KLRG1: variants seen among roughly 807,000 people sequenced by gnomAD.
The protein encoded by KLRG1 is killer cell lectin-like receptor subfamily G member 1.
KLRG1 carries 16 observed loss-of-function variants against 21.8 expected under a neutral mutation model. The observed-to-expected ratio is 0.73, with a 90% CI of 0.50 to 1.11. The LOEUF (loss-of-function observed/expected upper bound fraction) is 1.11, where lower values mean the gene tolerates loss of function less well. Ranked by LOEUF, KLRG1 falls within the 50% of genes most tolerant of loss-of-function variation. The pLI is 0.00. For missense variants in KLRG1, 173 were observed against 218.3 expected (o/e 0.79, Z 1.31); for synonymous variants, 69 against 75.9 (o/e 0.91, Z 0.47).
chr12:8,978,684 CTTTCTT>C (rs1408393903), intron 1 of KLRG1, among the ~76,000 whole-genome samples: 5 of 127,238 alleles, frequency 3.9e-5, no homozygotes, highest in African/African-American at 1.5e-4. Context: ...TTCTTTCTTT[CTTTCTT>C]TTTCTTTCTT....
At chr12:9,164,134 C>T in the KLRG1 span, 2 of 1,610,944 alleles carry the variant, frequency 1.2e-6, no homozygotes, top group Non-Finnish European at 1.7e-6. Flanking sequence ...GTCACTCACC[C>T]AGAGTTTTAG....
chr12:9,049,195 A>G, the KLRG1 span, among the ~76,000 whole-genome samples: 1 of 152,162 alleles, frequency 6.6e-6, no homozygotes, highest in Non-Finnish European at 1.5e-5. Flanking sequence ...GTCTGCATGG[A>G]GCACTTGGAA....
chr12:9,154,774 G>T, the KLRG1 span: 1 of 1,614,154 alleles, frequency 6.2e-7, no homozygotes, highest in Non-Finnish European at 8.5e-7. Flanking sequence ...GAGGGAGCCT[G>T]GGTTTGGTAA....
At chr12:9,033,034 C>T in the KLRG1 span, among the ~76,000 whole-genome samples, 1 of 152,172 alleles carries the variant, frequency 6.6e-6, no homozygotes, top group Non-Finnish European at 1.5e-5. Context: ...TTCTTTACTG[C>T]TATGCCGTAG....
chr12:9,168,972 C>T, the KLRG1 span: 5 of 1,609,830 alleles, frequency 3.1e-6, no homozygotes, highest in Non-Finnish European at 4.3e-6. Flanking sequence ...TCAATCCCAT[C>T]CCCTGGAAAA....
At chr12:9,043,065 A>G in the KLRG1 span, among the ~76,000 whole-genome samples, 1 of 146,640 alleles carries the variant, frequency 6.8e-6, no homozygotes, top group South Asian at 2.1e-4. Flanking sequence ...GTTTGTGTGC[A>G]TGGCAGATAT....
At chr12:9,089,602 G>A in the KLRG1 span, among the ~76,000 whole-genome samples, 1 of 152,104 alleles carries the variant, frequency 6.6e-6, no homozygotes, top group African/African-American at 2.4e-5. Context: ...CTAGCTGGGC[G>A]TGGTGGTGCA....
chr12:9,067,478 G>T, the KLRG1 span: 2 of 324,208 alleles, frequency 6.2e-6, no homozygotes. Flanking sequence ...TTTTTCATAG[G>T]GTATTCCCAT....
rs1280386663 is a variant in KLRG1 at position 8,992,204 on chromosome 12, A to T, written c.83-2A>T. ...GATTGTGCTTTGACTCTGTTGTTGC[A>T]GCTTCCTCTTCCAGGCCTTCTTGTT... On this transcript the variant is annotated splice_acceptor_variant, in intron 1 of 4. Coordinates refer to ENST00000356986, the MANE Select transcript of KLRG1 (RefSeq NM_005810.4). LOFTEE classifies it high-confidence loss of function. 10 of 1,603,602 alleles carry T rather than the reference A, an allele frequency of 6.2e-6. No individual in the cohort carries two copies. Among genetic ancestry groups the T allele is most frequent in the South Asian group, 1.1e-5 (1 of 89,534 alleles).
the KLRG1 span, among the ~76,000 whole-genome samples, chr12:9,175,182 A>G: frequency 6.6e-6 from 1 of 152,234 alleles, no homozygotes; most frequent in Non-Finnish European, 1.5e-5. Flanking sequence ...CTGATCTTTG[A>G]CAAACTTGAC....
At chr12:9,101,524 T>C in the KLRG1 span, 1 of 1,613,862 alleles carries the variant, frequency 6.2e-7, no homozygotes, top group East Asian at 2.2e-5. Flanking sequence ...ACTGTCTGAG[T>C]ATGGCCACAG....
Position 9,009,012 on chromosome 12 carries a change from G to A in KLRG1, c.395G>A (p.Trp132Ter). The A allele has an allele frequency of 1.2e-6, 2 of 1,613,870 alleles. No individual in the cohort carries two copies. Among genetic ancestry groups the A allele is most frequent in the Non-Finnish European group, 1.7e-6 (2 of 1,179,914 alleles). ...GTTTTCCTCAGTGAGGCCTTTTGCT[G>A]GATTGGTCTGAGGAACAATTCTGGC... ...LQVFLSEAFC[W>*]IGLRNNSGWR... The change falls in exon 4 of 5, where the codon TGG becomes TAG. Residue 132 changes from tryptophan to a stop codon, truncating the protein, a stop_gained. Coordinates refer to ENST00000356986, the MANE Select transcript of KLRG1 (RefSeq NM_005810.4). LOFTEE classifies it high-confidence loss of function.
chr12:9,170,363 C>T, the KLRG1 span, among the ~76,000 whole-genome samples: 1 of 152,160 alleles, frequency 6.6e-6, no homozygotes, highest in Admixed American at 6.5e-5. The surrounding 1 kb of genome is among the most constrained non-coding windows in gnomAD (Gnocchi z 4.6). Context: ...CTTGGCAGAG[C>T]AGCTGCTCAG....
the KLRG1 span, among the ~76,000 whole-genome samples, chr12:9,071,111 C>T: frequency 7.9e-5 from 12 of 151,820 alleles, no homozygotes; most frequent in South Asian, 1.0e-3. Context: ...TGAGCCACCA[C>T]GCCCGGCTGA....
At chr12:9,209,491 A>G in the KLRG1 span, among the ~76,000 whole-genome samples, 1 of 152,042 alleles carries the variant, frequency 6.6e-6, no homozygotes, top group East Asian at 1.9e-4. Context: ...CCTTACATGC[A>G]CCCAACTTTA....
chr12:8,972,100 T>C (rs1946578399), intron 1 of KLRG1, among the ~76,000 whole-genome samples: 1 of 152,234 alleles, frequency 6.6e-6, no homozygotes, highest in South Asian at 2.1e-4. Context: ...TCAAGAAGAT[T>C]TCCCCTCTGT....
At chr12:9,077,299 ATTGCATCCAGAACTCTCCT>A in the KLRG1 span, 2 of 1,539,118 alleles carry the variant, frequency 1.3e-6, no homozygotes, top group Non-Finnish European at 1.8e-6. Flanking sequence ...CAGCAGTTTC[ATTGCATCCAGAACTCTCCT>A]TCAGCAGAGG....
chr12:8,955,186 T>C (rs1946269319), intron 1 of KLRG1, among the ~76,000 whole-genome samples: 1 of 152,164 alleles, frequency 6.6e-6, no homozygotes, highest in African/African-American at 2.4e-5. Flanking sequence ...GTGCTGGGAT[T>C]ACAGGCGTGA....
chr12:9,090,969 C>G, the KLRG1 span, among the ~76,000 whole-genome samples: 3 of 151,984 alleles, frequency 2.0e-5, no homozygotes, highest in Non-Finnish European at 4.4e-5. Context: ...CTTTTGTCAC[C>G]CCTGTCAGAA....
Sources: gnomAD v4.1 joint callset for allele counts (sites outside exome capture counted in the v4.1 genomes callset) on GRCh38, gnomAD v4.1.1 for gene constraint, Gnocchi (gnomAD v3.1) non-coding constraint, MANE v1.5 for transcripts, NCBI Gene and HGNC (gene_info 2026-07-23, HGNC 2026-07-21) for gene names.